MINK1: variants seen among roughly 807,000 people sequenced by gnomAD.
MINK1 encodes the protein misshapen-like kinase 1.
MINK1 carries 46 observed loss-of-function variants against 178.4 expected under a neutral mutation model. That is an observed-to-expected ratio of 0.26 (90% CI 0.20 to 0.33). The LOEUF (loss-of-function observed/expected upper bound fraction) is 0.33, where lower values mean the gene tolerates loss of function less well. Ranked by LOEUF, MINK1 falls within the 10% of genes least tolerant of loss-of-function variation. The probability of loss-of-function intolerance (pLI) is 1.00; values close to 1 mark genes in which losing one functional copy is unlikely to be tolerated. For missense variants in MINK1, 1,366 were observed against 1,814.9 expected, an observed-to-expected ratio of 0.75 and a Z score of 4.49; for synonymous variants, 797 against 709.7, an observed-to-expected ratio of 1.12 and a Z score of -1.96.
chr17:4,887,784 G>A lies in MINK1; in HGVS notation c.1224G>A (p.Val408=). 1 of 1,511,588 alleles carries A rather than the reference G, an allele frequency of 6.6e-7. No homozygotes were observed. Among genetic ancestry groups the A allele is most frequent in the Non-Finnish European group, 8.9e-7 (1 of 1,127,976 alleles). The allele number at this position is 1,511,588 out of a possible 1,614,324, so 93.6% of individuals were successfully genotyped here. A position where few individuals can be genotyped will look rare whatever the true frequency, so the allele number is the denominator to read the frequency against. The part of the protein sequence containing the change: ...IEEQKEERRR[V]EEQQRREREQ... ...AGCAGAAGGAGGAGCGGCGCCGCGT[G>A]GAGGAGGTGGGCTGTCTCCGAAGGG... The change falls in exon 12 of 32, where the codon GTG becomes GTA. Residue 408 remains valine (V), a synonymous_variant. Coordinates refer to ENST00000355280, the MANE Select transcript of MINK1 (RefSeq NM_153827.5). This position sits in a 1 kb window ranked among gnomAD's most constrained non-coding sequence, Gnocchi z 7.6.
rs1404868899 is a variant in MINK1, at chr17:4,858,370, C to T, written c.58-19947C>T. Among the ~76,000 whole-genome samples, 7 of 152,224 alleles carry T rather than the reference C, an allele frequency of 4.6e-5. No homozygotes were observed. In the South Asian group the frequency reaches 6.2e-4, roughly 14 times the overall value. ...TACCCGATAAACAGAGGCTCCAAGA[C>T]GCTGGCAGCCTTGTTCTTCCAAGGC... On this transcript the variant is annotated intron_variant, in intron 1 of 31. Coordinates refer to ENST00000355280, the MANE Select transcript of MINK1 (RefSeq NM_153827.5).
chr17:4,896,387 G>A lies in MINK1; in HGVS notation c.3616-42G>A. 1 of 1,608,834 alleles carries A rather than the reference G, an allele frequency of 6.2e-7. No individual in the cohort carries two copies. The highest frequency in any genetic ancestry group is 1.1e-5 in the South Asian group (1 of 90,310). On this transcript the variant is annotated intron_variant, in intron 29 of 31. Coordinates refer to ENST00000355280, the MANE Select transcript of MINK1 (RefSeq NM_153827.5). The surrounding 1 kb of genome is among the most constrained non-coding windows in gnomAD (Gnocchi z 4.6). Reference sequence around the variant, plus strand: ...TGGGGGAGTGGGATGGCCCAGTCTGGGCACCAGACACGGAGACTCTAGTCC... The same window carrying A: ...TGGGGGAGTGGGATGGCCCAGTCTGAGCACCAGACACGGAGACTCTAGTCC...
intron 1 of MINK1, among the ~76,000 whole-genome samples, chr17:4,849,697 G>A (rs1270275622): frequency 1.3e-5 from 2 of 152,002 alleles, no homozygotes; most frequent in Non-Finnish European, 2.9e-5. Flanking sequence ...TCAGCCTCCC[G>A]AGTAGCTGGG....
intron 1 of MINK1, among the ~76,000 whole-genome samples, chr17:4,855,451 A>G (rs1912903209): frequency 2.3e-5 from 3 of 128,966 alleles, no homozygotes; most frequent in Admixed American, 9.4e-5. Context: ...GTGGCATTGC[A>G]CTCCAGCCTG....
At chr17:4,891,218 A>ACACACACACG in intron 15 of MINK1, 94 bp downstream of exon 15, 1 of 1,154,852 alleles carries the variant, frequency 8.7e-7, no homozygotes. Context: ...ACACACACAC[A>ACACACACACG]CACACACCTG....
chr17:4,858,300 G>A (rs1913526018), intron 1 of MINK1, among the ~76,000 whole-genome samples: 1 of 151,898 alleles, frequency 6.6e-6, no homozygotes, highest in Admixed American at 6.6e-5. Context: ...CTGGGAGGGG[G>A]GAGGGCCTCC....
rs769722347 is a variant in MINK1 at position 4,887,648 on chromosome 17, A to G, written c.1088A>G (p.Lys363Arg). 1 of 1,565,800 alleles carries G rather than the reference A, an allele frequency of 6.4e-7. No homozygotes were observed. The highest frequency in any genetic ancestry group is 1.2e-5 in the South Asian group (1 of 84,688). ...REFLRLQQEN[K>R]SNSEALKQQQ... ...TTTCTCCGGCTCCAGCAGGAAAATAAGAGCAACTCAGAGGCTTTAAAACAG... is the reference window on the plus strand; with the variant it reads ...TTTCTCCGGCTCCAGCAGGAAAATAGGAGCAACTCAGAGGCTTTAAAACAG... The change falls in exon 12 of 32, where the codon AAG becomes AGG. Residue 363 changes from lysine to arginine, a missense_variant. Coordinates refer to ENST00000355280, the MANE Select transcript of MINK1 (RefSeq NM_153827.5). The surrounding 1 kb of genome is among the most constrained non-coding windows in gnomAD (Gnocchi z 7.6).
chr17:4,850,347 C>T (rs1300170518), intron 1 of MINK1, among the ~76,000 whole-genome samples: 1 of 152,154 alleles, frequency 6.6e-6, no homozygotes, highest in East Asian at 1.9e-4. Flanking sequence ...ATGTTTGCTC[C>T]ATCCTGCTGG....
intron 1 of MINK1, among the ~76,000 whole-genome samples, chr17:4,877,809 CTT>C (rs1198512639): frequency 5.7e-5 from 7 of 122,388 alleles, no homozygotes; most frequent in Non-Finnish European, 5.1e-5. Context: ...TCTCTCACTT[CTT>C]TTTTTTTTTT....
intron 1 of MINK1, among the ~76,000 whole-genome samples, chr17:4,871,235 G>C (rs1915827344): frequency 6.8e-6 from 1 of 146,478 alleles, no homozygotes; most frequent in African/African-American, 2.5e-5. Context: ...CTGTCACCCA[G>C]GCTGGGGTGC....
In MINK1 at chr17:4,896,908, C is replaced by T; in HGVS notation, c.3915+95C>T. 6.9e-7 allele frequency: 1 copy of T among 1,456,062 alleles called. No homozygotes were observed. Among genetic ancestry groups the T allele is most frequent in the Non-Finnish European group, 9.1e-7 (1 of 1,100,036 alleles). The allele number at this position is 1,456,062 out of a possible 1,614,324, so 90.2% of individuals were successfully genotyped here. On this transcript the variant is annotated intron_variant, in intron 31 of 31. Transcript: ENST00000355280. The surrounding 1 kb of genome is among the most constrained non-coding windows in gnomAD (Gnocchi z 4.6). ...TCTGGGGAGAGGATGGTGGTGGTGG[C>T]TTCCTGAAAGCGGGCCCCTCTGGGA...
chr17:4,861,388 C>T (rs1914146012), intron 1 of MINK1, among the ~76,000 whole-genome samples: 1 of 152,238 alleles, frequency 6.6e-6, no homozygotes, highest in African/African-American at 2.4e-5. Context: ...CAGGCGACAT[C>T]TATTTCGACC....
At chr17:4,866,196 G>A (rs1331009277) in intron 1 of MINK1, among the ~76,000 whole-genome samples, 2 of 152,082 alleles carry the variant, frequency 1.3e-5, no homozygotes, top group South Asian at 2.1e-4. Flanking sequence ...GGCCAGACGC[G>A]GTGGTTCACG....
intron 1 of MINK1, among the ~76,000 whole-genome samples, chr17:4,844,830 G>A (rs1008383887): frequency 6.6e-6 from 1 of 152,148 alleles, no homozygotes; most frequent in Non-Finnish European, 1.5e-5. Context: ...CTTTAAAAAT[G>A]TGTTGTTGTT....
Position 4,891,096 on chromosome 17 carries a change from C to T in MINK1, c.1712C>T (p.Pro571Leu), listed in dbSNP as rs749758118. The change falls in exon 15 of 32, where the codon CCG becomes CTG. Residue 571 changes from proline (P) to leucine (L), a missense_variant. Pro to Leu is a moderately conservative substitution (Grantham distance 98). Transcript: ENST00000355280. ...PLSQTPPMQR[P>L]VEPQEGPHKS... ...TCCCAGACTCCTCCTATGCAGAGGC[C>T]GGTGGAGCCCCAGGAGGGACCGCAC... 7.1e-6 allele frequency: 11 copies of T among 1,548,002 alleles called. No individual in the cohort carries two copies. Among genetic ancestry groups the T allele is most frequent in the South Asian group, 3.6e-5 (3 of 83,754 alleles).
At chr17:4,861,725 TC>T in intron 1 of MINK1, 1 of 248,330 alleles carries the variant, frequency 4.0e-6, no homozygotes, top group South Asian at 3.5e-5. Flanking sequence ...GGTCTTGAAC[TC>T]CTGACCTCAG....
At chr17:4,870,213 ATTTT>A (rs758815938) in intron 1 of MINK1, among the ~76,000 whole-genome samples, 3 of 123,612 alleles carry the variant, frequency 2.4e-5, no homozygotes, top group African/African-American at 9.3e-5. Flanking sequence ...CGCCCGGCCA[ATTTT>A]TTTTTTTTTT....
Position 4,886,693 on chromosome 17 carries a change from C to G in MINK1, c.949+67C>G. 6 of 1,435,552 alleles carry G rather than the reference C, an allele frequency of 4.2e-6. No individual in the cohort carries two copies. The highest frequency in any genetic ancestry group is 1.4e-5 in the South Asian group (1 of 69,500). The allele number at this position is 1,435,552 out of a possible 1,614,324, so 88.9% of individuals were successfully genotyped here. A position where few individuals can be genotyped will look rare whatever the true frequency, so the allele number is the denominator to read the frequency against. ...CCAGCCTGGCTCCTCTCTGCCAGCC[C>G]TGCTCGCTCCTGGCACCCCTTCCTG... On this transcript the variant is annotated intron_variant, in intron 10 of 31. Transcript: ENST00000355280. This position sits in a 1 kb window ranked among gnomAD's most constrained non-coding sequence, Gnocchi z 6.1.
At chr17:4,893,758 C>G (rs1969123490) in intron 21 of MINK1, 161 bp downstream of exon 21, 1 of 1,161,952 alleles carries the variant, frequency 8.6e-7, no homozygotes, top group African/African-American at 1.6e-5. Context: ...TCCCGCTGCC[C>G]TGTGTGTTGT....
Sources: gnomAD v4.1 joint callset for allele counts (sites outside exome capture counted in the v4.1 genomes callset) on GRCh38, gnomAD v4.1.1 for gene constraint, Gnocchi (gnomAD v3.1) non-coding constraint, MANE v1.5 for transcripts, NCBI Gene and HGNC (gene_info 2026-07-23, HGNC 2026-07-21) for gene names.